AKT1: variants seen among roughly 807,000 people sequenced by gnomAD.
AKT1 encodes the protein RAC-alpha serine/threonine-protein kinase.
In AKT1, 21 loss-of-function variants were observed where a neutral mutation model predicts 63.1. The ratio of observed to expected loss-of-function variants is 0.33; its 90% CI spans 0.24 to 0.48. The LOEUF is 0.48. Among genes scored for constraint, AKT1 ranks in the 20% least tolerant of loss-of-function variants. The pLI, the probability that AKT1 is intolerant of heterozygous loss-of-function variation, is 0.99. For synonymous variants in AKT1, 257 were observed against 253.1 expected, an observed-to-expected ratio of 1.02 and a Z score of -0.15; for missense variants, 382 against 666.0, an observed-to-expected ratio of 0.57 and a Z score of 4.69.
At position 104,795,105 on chromosome 14, in the gene AKT1, C is replaced by T. The variant is rs1469909222; in HGVS notation, c.-258+379G>A. ...GAGTCTTTCTCCAACCCCGGGGCACCTCCGCCGGCTGCCTCGCTGGCCCAG... is the reference window on the plus strand; with the variant it reads ...GAGTCTTTCTCCAACCCCGGGGCACTTCCGCCGGCTGCCTCGCTGGCCCAG... On this transcript the variant is annotated intron_variant, in intron 1 of 14. Coordinates refer to ENST00000649815, the MANE Select transcript of AKT1 (RefSeq NM_001382430.1). This position sits in a 1 kb window ranked among gnomAD's most constrained non-coding sequence, Gnocchi z 5.1. 6.6e-6 allele frequency: 1 copy of T among 152,222 alleles called. No individual in the cohort carries two copies. Among genetic ancestry groups the T allele is most frequent in the Non-Finnish European group, 1.5e-5 (1 of 68,034 alleles). The allele number at this position is 152,222 out of a possible 1,614,324, so 9.4% of individuals were successfully genotyped here. A position where few individuals can be genotyped will look rare whatever the true frequency, so the allele number is the denominator to read the frequency against.
chr14:104,777,235 C>G (rs181524832), intron 4 of AKT1: 8 of 212,654 alleles, frequency 3.8e-5, no homozygotes, highest in Admixed American at 6.1e-5. Flanking sequence ...TGGAGCACAC[C>G]CACACCTGGG....
intron 3 of AKT1, among the ~76,000 whole-genome samples, chr14:104,788,043 C>A (rs1486955957): frequency 6.6e-6 from 1 of 152,206 alleles, no homozygotes; most frequent in Non-Finnish European, 1.5e-5. Context: ...GGGACCCCCA[C>A]TCTCTGCCCA....
rs751392710 is a variant in AKT1, at chr14:104,772,873, C to A, written c.1172+5G>T. ...TAGCCTGTAGCTGGGATGGGCGGCC[C>A]TCACCTCTGCTTGGGGTCCTTCTTG... On this transcript the variant is annotated splice_donor_5th_base_variant and intron_variant, in intron 12 of 14. Coordinates refer to ENST00000649815, the MANE Select transcript of AKT1 (RefSeq NM_001382430.1). 1 of 1,605,974 alleles carries A rather than the reference C, an allele frequency of 6.2e-7. No individual in the cohort carries two copies.
chr14:104,788,194 T>G (rs1893433433), intron 3 of AKT1, among the ~76,000 whole-genome samples: 1 of 152,124 alleles, frequency 6.6e-6, no homozygotes, highest in African/African-American at 2.4e-5. Flanking sequence ...GGTCTCACAC[T>G]GAAGCCACCT....
At chr14:104,783,968 G>A (rs1242092806) in intron 3 of AKT1, among the ~76,000 whole-genome samples, 14 of 152,360 alleles carry the variant, frequency 9.2e-5, no homozygotes, top group East Asian at 5.8e-4. Flanking sequence ...GTGGGGGGCC[G>A]AGTGGAGGAC....
intron 3 of AKT1, among the ~76,000 whole-genome samples, chr14:104,790,072 G>C (rs947780302): frequency 1.3e-5 from 2 of 152,102 alleles, no homozygotes; most frequent in African/African-American, 2.4e-5. Flanking sequence ...GGGCATACCC[G>C]TCCCCTCTCA....
chr14:104,791,383 G>A (rs897394705), intron 3 of AKT1, among the ~76,000 whole-genome samples: 5 of 151,966 alleles, frequency 3.3e-5, no homozygotes, highest in Non-Finnish European at 5.9e-5. Flanking sequence ...GGCAGGATGC[G>A]GCAGGAGGCC....
intron 3 of AKT1, among the ~76,000 whole-genome samples, chr14:104,785,797 G>A (rs1159707070): frequency 2.0e-5 from 3 of 152,082 alleles, no homozygotes; most frequent in East Asian, 1.9e-4. Flanking sequence ...AACATGGTGC[G>A]GGCAGGCGGC....
rs767387268 is a variant in AKT1, at chr14:104,787,287, C to CCCAT, written c.46+5307_46+5310dup. 8.5e-5 allele frequency among the ~76,000 whole-genome samples: 13 copies of CCCAT among 152,294 alleles called. 1 individual carries two copies. The highest frequency in any genetic ancestry group is 1.8e-4 in the Non-Finnish European group (12 of 68,000). Reference sequence around the variant, plus strand: ...AGGGGCCTAGGGTTCGCCTAACAGCCCCATCCTGGCCTGGAGCCCCAGGGC... The same window carrying CCCAT: ...AGGGGCCTAGGGTTCGCCTAACAGCCCCATCCATCCTGGCCTGGAGCCCCAGGGC... On this transcript the variant is annotated intron_variant, in intron 3 of 14. Transcript: ENST00000649815.
Position 104,772,967 on chromosome 14 carries a change from G to T in AKT1, c.1083C>A (p.Ile361=). Residue 361 remains isoleucine (I), a synonymous_variant, in exon 12 of 15, where the codon ATC becomes ATA. Coordinates refer to ENST00000649815, the MANE Select transcript of AKT1 (RefSeq NM_001382430.1). ...GCGGGAAGCGGATCTCCTCCATGAG[G>T]ATGAGCTCAAAAAGCTTCTCATGGT... ...NQDHEKLFEL[I]LMEEIRFPRT... is the part of the protein sequence containing the mutation. 1 of 1,614,124 alleles carries T rather than the reference G, an allele frequency of 6.2e-7. No individual in the cohort carries two copies.
At chr14:104,781,451 C>T (rs1258983320) in intron 3 of AKT1, among the ~76,000 whole-genome samples, 1 of 152,206 alleles carries the variant, frequency 6.6e-6, no homozygotes, top group African/African-American at 2.4e-5. Context: ...GAAGTCCCAG[C>T]AGGGCAGCAG....
At chr14:104,788,948 C>T (rs1250075046) in intron 3 of AKT1, among the ~76,000 whole-genome samples, 2 of 152,206 alleles carry the variant, frequency 1.3e-5, no homozygotes, top group African/African-American at 2.4e-5. Flanking sequence ...CCGTGTCACC[C>T]GGGCCCGGCC....
chr14:104,777,472 A>G, intron 4 of AKT1: 1 of 876,238 alleles, frequency 1.1e-6, no homozygotes, highest in Non-Finnish European at 1.4e-6. Context: ...ACACATCTAG[A>G]CACCTAGCCA....
chr14:104,770,703 G>A (rs1892336478), intron 14 of AKT1, 42 bp downstream of exon 14: 2 of 1,544,926 alleles, frequency 1.3e-6, no homozygotes, highest in South Asian at 2.2e-5. Context: ...TCTGAGTGTG[G>A]AGAGAAAAGG....
intron 12 of AKT1, 135 bp downstream of exon 12, chr14:104,772,743 G>T: frequency 9.4e-7 from 1 of 1,062,402 alleles, no homozygotes; most frequent in Non-Finnish European, 1.3e-6. Context: ...TTGGAGATCA[G>T]CCCTGGCCAA....
intron 4 of AKT1, among the ~76,000 whole-genome samples, chr14:104,779,559 C>T (rs1481413807): frequency 6.7e-6 from 1 of 149,506 alleles, no homozygotes; most frequent in Non-Finnish European, 1.5e-5. Flanking sequence ...GACCCTCCAG[C>T]TTCCAGAGCA....
chr14:104,775,133 C>T lies in AKT1; in HGVS notation c.510G>A (p.Lys170=), dbSNP rs774284624. The T allele has an allele frequency of 6.2e-7, 1 of 1,614,162 alleles. No homozygotes were observed. The highest frequency in any genetic ancestry group is 8.5e-7 in the Non-Finnish European group (1 of 1,180,038). The part of the protein sequence containing the change: ...TFGKVILVKE[K]ATGRYYAMKI... Reference sequence around the variant, plus strand: ...TCATGGCGTAGTAGCGGCCTGTGGCCTTCTCCTTCACCAGGATCACCTTGC... The same window carrying T: ...TCATGGCGTAGTAGCGGCCTGTGGCTTTCTCCTTCACCAGGATCACCTTGC... The change falls in exon 7 of 15, where the codon AAG becomes AAA. Residue 170 remains lysine, a synonymous_variant. Coordinates refer to ENST00000649815, the MANE Select transcript of AKT1 (RefSeq NM_001382430.1).
Position 104,770,433 on chromosome 14 carries a change from A to G in AKT1, c.1364-13T>C, listed in dbSNP as rs201152786. ...TCCATGCTGTCATCTGTGGGTGTAG[A>G]CAGCTCAGACCCCGGTGCCCCACCT... On this transcript the variant is annotated splice_polypyrimidine_tract_variant and intron_variant, in intron 14 of 14. Transcript: ENST00000649815. 5.1e-6 allele frequency: 8 copies of G among 1,583,340 alleles called. No homozygotes were observed. The highest frequency in any genetic ancestry group is 2.3e-5 in the East Asian group (1 of 43,806).
chr14:104,782,652 G>A (rs1168248670), intron 3 of AKT1, among the ~76,000 whole-genome samples: 2 of 152,176 alleles, frequency 1.3e-5, no homozygotes, highest in Non-Finnish European at 2.9e-5. Context: ...TGGGCTTTCA[G>A]TGCCTTCCCC....
Sources: allele counts gnomAD v4.1 joint callset (sites outside exome capture counted in the v4.1 genomes callset), GRCh38; gene constraint gnomAD v4.1.1; non-coding constraint Gnocchi (gnomAD v3.1); transcripts MANE v1.5; gene names NCBI Gene and HGNC (gene_info 2026-07-23, HGNC 2026-07-21).